Variants in PDIA5 observed in about 807,000 individuals in gnomAD.
PDIA5 encodes protein disulfide-isomerase A5.
In PDIA5, 58 loss-of-function variants were observed where a neutral mutation model predicts 77.6. The ratio of observed to expected loss-of-function variants is 0.75; its 90% CI spans 0.61 to 0.93. PDIA5 has a LOEUF of 0.93. PDIA5 is among the 40% of genes least tolerant of loss of function. The probability of loss-of-function intolerance (pLI) is 0.00; values close to 1 mark genes in which losing one functional copy is unlikely to be tolerated. For missense variants in PDIA5, 630 were observed against 647.7 expected (o/e 0.97, Z 0.30); for synonymous variants, 250 against 252.1 (o/e 0.99, Z 0.08).
At chr3:123,159,180 C>CT (rs1250364503) in intron 15 of PDIA5, among the ~76,000 whole-genome samples, 2 of 152,222 alleles carry the variant, frequency 1.3e-5, no homozygotes, top group Non-Finnish European at 2.9e-5. Flanking sequence ...TCATCCAGCA[C>CT]TTTCATGGCG....
At chr3:123,141,610 T>TG (rs1208129453) in intron 11 of PDIA5, among the ~76,000 whole-genome samples, 4 of 151,876 alleles carry the variant, frequency 2.6e-5, no homozygotes, top group African/African-American at 7.3e-5. Flanking sequence ...AGCAGGAGAG[T>TG]GGGGGGCTCA....
At chr3:123,068,157 A>AT (rs2107897460) in intron 1 of PDIA5, among the ~76,000 whole-genome samples, 1 of 152,116 alleles carries the variant, frequency 6.6e-6, no homozygotes, top group African/African-American at 2.4e-5. Context: ...TTTTAGGACC[A>AT]TCCTGGTCCT....
chr3:123,141,709 C>T (rs1225366425), intron 11 of PDIA5, among the ~76,000 whole-genome samples: 3 of 152,200 alleles, frequency 2.0e-5, no homozygotes, highest in African/African-American at 7.2e-5. Flanking sequence ...TCATCCTGAC[C>T]GTGGCCCCAA....
intron 1 of PDIA5, among the ~76,000 whole-genome samples, chr3:123,072,200 A>C (rs1933740719): frequency 1.3e-5 from 2 of 152,294 alleles, no homozygotes; most frequent in East Asian, 3.9e-4. Context: ...GATAAATTCA[A>C]GTGTTATGTA....
At chr3:123,090,029 C>T (rs972238158) in intron 2 of PDIA5, among the ~76,000 whole-genome samples, 3 of 152,200 alleles carry the variant, frequency 2.0e-5, no homozygotes, top group Admixed American at 6.5e-5. Flanking sequence ...TTTCTGTGGC[C>T]CTGGAGAAGC....
At chr3:123,105,057 C>A (rs553941729) in intron 5 of PDIA5, among the ~76,000 whole-genome samples, 9 of 152,150 alleles carry the variant, frequency 5.9e-5, no homozygotes, top group Non-Finnish European at 1.3e-4. Context: ...CCATCCACTG[C>A]TATCTTTTTT....
chr3:123,112,706 C>T (rs754268330), intron 7 of PDIA5, among the ~76,000 whole-genome samples: 50 of 151,958 alleles, frequency 3.3e-4, no homozygotes, highest in African/African-American at 9.2e-4. Flanking sequence ...TATAGGTGCC[C>T]GCCATGAGGC....
At chr3:123,095,916 G>A (rs1330830320) in intron 3 of PDIA5, among the ~76,000 whole-genome samples, 1 of 152,162 alleles carries the variant, frequency 6.6e-6, no homozygotes, top group Non-Finnish European at 1.5e-5. Context: ...GAAATGTGGA[G>A]TTGAGTCTTC....
intron 15 of PDIA5, among the ~76,000 whole-genome samples, chr3:123,158,128 G>A (rs1936060531): frequency 6.6e-6 from 1 of 152,224 alleles, no homozygotes; most frequent in Non-Finnish European, 1.5e-5. Flanking sequence ...CCACAGTCAT[G>A]ACACCTTAGA....
intron 7 of PDIA5, 96 bp downstream of exon 7, chr3:123,111,100 C>A: frequency 2.4e-6 from 2 of 835,248 alleles, no homozygotes; most frequent in South Asian, 1.4e-5. Context: ...GGGGGATTAG[C>A]CTGGGTGCCT....
chr3:123,111,565 G>T (rs2107942500), intron 7 of PDIA5, among the ~76,000 whole-genome samples: 1 of 152,346 alleles, frequency 6.6e-6, no homozygotes, highest in African/African-American at 2.4e-5. Context: ...GGATCTTTCA[G>T]ATGACAGCCA....
intron 11 of PDIA5, among the ~76,000 whole-genome samples, chr3:123,138,343 C>CT (rs1307085792): frequency 2.0e-5 from 3 of 151,776 alleles, no homozygotes; most frequent in Admixed American, 6.6e-5. Flanking sequence ...ATTAAAAATG[C>CT]TTTTTTTTGT....
chr3:123,087,837 T>G (rs1352881345), intron 1 of PDIA5, among the ~76,000 whole-genome samples: 1 of 152,156 alleles, frequency 6.6e-6, no homozygotes, highest in African/African-American at 2.4e-5. Context: ...AGTGGAGATT[T>G]GAGCAGGAAC....
At chr3:123,130,005 C>A (rs1935335712) in intron 10 of PDIA5, among the ~76,000 whole-genome samples, 1 of 152,176 alleles carries the variant, frequency 6.6e-6, no homozygotes, top group African/African-American at 2.4e-5. Context: ...CCTGGCCTCT[C>A]TCTCTCCTCC....
intron 15 of PDIA5, among the ~76,000 whole-genome samples, chr3:123,158,173 T>C (rs1482583530): frequency 6.6e-6 from 1 of 152,254 alleles, no homozygotes; most frequent in African/African-American, 2.4e-5. Flanking sequence ...AGGAACAATA[T>C]AACATATTTG....
intron 3 of PDIA5, among the ~76,000 whole-genome samples, chr3:123,097,682 C>G (rs1042452639): frequency 6.6e-6 from 1 of 151,870 alleles, no homozygotes; most frequent in African/African-American, 2.4e-5. Context: ...GCTCAGCACT[C>G]GCCCCCGCCC....
intron 15 of PDIA5, among the ~76,000 whole-genome samples, chr3:123,160,001 TATTGA>T (rs1936120725): frequency 6.6e-6 from 1 of 152,248 alleles, no homozygotes; most frequent in Admixed American, 6.5e-5. Context: ...TAAATTATCT[TATTGA>T]ATCACCCTCT....
chr3:123,130,444 G>A, intron 10 of PDIA5, 36 bp from the exon 11 acceptor site: 2 of 1,598,246 alleles, frequency 1.3e-6, no homozygotes, highest in Non-Finnish European at 8.5e-7. Flanking sequence ...AGGCCCCAGG[G>A]CCTGCTCTGA....
chr3:123,162,056 G>T lies in PDIA5; in HGVS notation c.*96G>T. On this transcript the variant is annotated 3_prime_UTR_variant, in exon 17 of 17. Coordinates refer to ENST00000316218, the MANE Select transcript of PDIA5 (RefSeq NM_006810.4). ...ATGTTCTGAAGACAAATTTTTTATA[G>T]CCGCTTATGGCCATTTTGTACAATT... 2.7e-6 allele frequency: 2 copies of T among 735,418 alleles called. No individual in the cohort carries two copies. Among genetic ancestry groups the T allele is most frequent in the Admixed American group, 2.3e-5 (1 of 43,594 alleles). The allele number at this position is 735,418 out of a possible 1,614,324, so 45.6% of individuals were successfully genotyped here. A position where few individuals can be genotyped will look rare whatever the true frequency, so the allele number is the denominator to read the frequency against.
Sources: allele counts gnomAD v4.1 joint callset (sites outside exome capture counted in the v4.1 genomes callset), GRCh38; gene constraint gnomAD v4.1.1; transcripts MANE v1.5; gene names NCBI Gene and HGNC (gene_info 2026-07-23, HGNC 2026-07-21).